FAM13C: variants seen among roughly 807,000 people sequenced by gnomAD.
FAM13C encodes family with sequence similarity 13 member C, also known as protein FAM13C.
In FAM13C, 37 loss-of-function variants were observed where a neutral mutation model predicts 73.2. The ratio of observed to expected loss-of-function variants is 0.51; its 90% CI spans 0.39 to 0.67. The LOEUF is 0.67. Among genes scored for constraint, FAM13C ranks in the 30% least tolerant of loss-of-function variants. FAM13C has a pLI of 0.00. For missense variants in FAM13C, 589 were observed against 715.6 expected (o/e 0.82, Z 2.02); for synonymous variants, 246 against 260.9 (o/e 0.94, Z 0.55).
At chr10:59,294,104 AGGTTGTTCATG>A (rs1426661025) in intron 5 of FAM13C, among the ~76,000 whole-genome samples, 1 of 152,180 alleles carries the variant, frequency 6.6e-6, no homozygotes, top group East Asian at 1.9e-4. Flanking sequence ...TCTAAGTGAA[AGGTTGTTCATG>A]GACTTTATAA....
rs187468997 is a variant in FAM13C, at chr10:59,286,804, C to T, written c.508-3357G>A. Among the ~76,000 whole-genome samples, 610 of 147,546 alleles carry T rather than the reference C, an allele frequency of 4.1e-3. 6 individuals carry two copies. The highest frequency in any genetic ancestry group is 0.014 in the African/African-American group (577 of 40,194). On this transcript the variant is annotated intron_variant, in intron 5 of 13. Transcript: ENST00000618804. ...ATCCCAGCACTTTGGGAGGTCAAGG[C>T]GGTGGATCACCTGAGGTCAGGAGTT...
intron 3 of FAM13C, among the ~76,000 whole-genome samples, chr10:59,328,270 T>C (rs992727834): frequency 2.6e-5 from 4 of 152,228 alleles, no homozygotes; most frequent in African/African-American, 7.2e-5. Flanking sequence ...AAAGGAAAGC[T>C]ATTAACTCAA....
intron 6 of FAM13C, among the ~76,000 whole-genome samples, chr10:59,280,449 A>T (rs1297890035): frequency 6.6e-6 from 1 of 152,234 alleles, no homozygotes; most frequent in Admixed American, 6.5e-5. Context: ...TACAAGTCCC[A>T]TGTGATCTGT....
intron 2 of FAM13C, 83 bp downstream of exon 2, chr10:59,355,804 G>A: frequency 1.6e-6 from 2 of 1,236,726 alleles, no homozygotes; most frequent in Non-Finnish European, 2.4e-6. Context: ...ATTCAAAGAA[G>A]AGACTAGAAT....
In FAM13C at chr10:59,268,534, C is replaced by T; in HGVS notation, c.942+19G>A. The stretch of plus-strand genomic sequence containing the variant: ...ACCTCTGACCAATCCGCTCCTATGT[C>T]AAACCCCAGGGTTCTTACCCGGTAT... On this transcript the variant is annotated intron_variant, in intron 8 of 13. Transcript: ENST00000618804. 1.2e-6 allele frequency: 2 copies of T among 1,613,066 alleles called. No individual in the cohort carries two copies. Among genetic ancestry groups the T allele is most frequent in the African/African-American group, 2.7e-5 (2 of 74,988 alleles).
chr10:59,302,922 T>C, intron 4 of FAM13C, 58 bp from the exon 5 acceptor site: 2 of 1,509,324 alleles, frequency 1.3e-6, no homozygotes, highest in East Asian at 2.3e-5. Flanking sequence ...GTGATGTACA[T>C]GTGAAGCTGG....
rs1169348470 is a variant in FAM13C, at chr10:59,283,446, T to G, written c.509A>C (p.Glu170Ala). The change falls in exon 6 of 14, where the codon GAA becomes GCA. Residue 170 changes from glutamate to alanine, a missense_variant and splice_region_variant. By Grantham distance (107) the Glu-to-Ala change is moderately radical. Transcript: ENST00000618804. ...GACTCCATGCACCTGAGCAGCTTCT[T>G]CCTGGTTTGTTAAAAATGCAGAGCA... ...AFETRQDLNE[E>A]EAAQVHGVKD... The G allele has an allele frequency of 6.2e-7, 1 of 1,614,050 alleles. No individual in the cohort carries two copies. The highest frequency in any genetic ancestry group is 1.3e-5 in the African/African-American group (1 of 74,928).
In FAM13C at chr10:59,302,782, C is replaced by T. The variant is rs186497873; in HGVS notation, c.507+19G>A. 2.4e-5 allele frequency: 38 copies of T among 1,609,898 alleles called. No homozygotes were observed. In the African/African-American group the frequency reaches 4.4e-4, roughly 19 times the overall value. ...ATTGGCTAATTCATGTTCTTATAAC[C>T]AGTAATGATTGCACGTACCTCATTT... is the stretch of plus-strand genomic sequence containing the variant. On this transcript the variant is annotated intron_variant, in intron 5 of 13. Transcript: ENST00000618804.
intron 3 of FAM13C, among the ~76,000 whole-genome samples, chr10:59,341,727 T>C (rs1853552012): frequency 6.6e-6 from 1 of 151,960 alleles, no homozygotes; most frequent in African/African-American, 2.4e-5. Context: ...AATCCCCTAA[T>C]TGTGGCCACA....
At chr10:59,257,273 T>C (rs1842038635) in intron 10 of FAM13C, among the ~76,000 whole-genome samples, 1 of 152,144 alleles carries the variant, frequency 6.6e-6, no homozygotes, top group Admixed American at 6.5e-5. Flanking sequence ...GTGATTTGAA[T>C]CATCAAGGTC....
intron 4 of FAM13C, among the ~76,000 whole-genome samples, chr10:59,317,329 G>A (rs1849663219): frequency 6.6e-6 from 1 of 152,026 alleles, no homozygotes; most frequent in African/African-American, 2.4e-5. Context: ...TCTAAATTAG[G>A]TTTAAATTTA....
chr10:59,284,927 CAT>C (rs923268616), intron 5 of FAM13C, among the ~76,000 whole-genome samples: 77 of 152,210 alleles, frequency 5.1e-4, no homozygotes, highest in African/African-American at 1.8e-3. Context: ...CCTCTCCTCA[CAT>C]AGACATCTAT....
intron 5 of FAM13C, among the ~76,000 whole-genome samples, chr10:59,289,618 CA>C (rs1845992150): frequency 6.6e-6 from 1 of 152,110 alleles, no homozygotes; most frequent in South Asian, 2.1e-4. Flanking sequence ...CACTAATAAG[CA>C]AGTAAACAAA....
chr10:59,293,770 G>A (rs518211), intron 5 of FAM13C, among the ~76,000 whole-genome samples: 150,640 of 152,320 alleles, frequency 0.99, 74,507 homozygotes, highest in Middle Eastern at 1. Flanking sequence ...AGTGAGGACA[G>A]CAAAGTCCAC....
In FAM13C at chr10:59,268,704, C is replaced by T. The variant is rs748399527; in HGVS notation, c.804-13G>A. The stretch of plus-strand genomic sequence containing the variant: ...AGAACTCCGCGGCCTGCAGTGATTA[C>T]AAGGAGGAAGGAGTATCAAAAACAG... On this transcript the variant is annotated splice_polypyrimidine_tract_variant and intron_variant, in intron 7 of 13. Coordinates refer to ENST00000618804, the MANE Select transcript of FAM13C (RefSeq NM_198215.4). 6.2e-7 allele frequency: 1 copy of T among 1,609,616 alleles called. No homozygotes were observed. The highest frequency in any genetic ancestry group is 1.7e-5 in the Admixed American group (1 of 59,610).
chr10:59,330,035 G>C (rs781449436), intron 3 of FAM13C, among the ~76,000 whole-genome samples: 21 of 152,154 alleles, frequency 1.4e-4, no homozygotes, highest in Non-Finnish European at 2.4e-4. Flanking sequence ...CGGATATTGA[G>C]TATTTCCATT....
At chr10:59,308,446 AT>A (rs1848504648) in intron 4 of FAM13C, among the ~76,000 whole-genome samples, 1 of 149,730 alleles carries the variant, frequency 6.7e-6, no homozygotes. Context: ...CATCATCACC[AT>A]CACCATCACC....
chr10:59,307,311 C>T (rs953682188), intron 4 of FAM13C, among the ~76,000 whole-genome samples: 1 of 151,948 alleles, frequency 6.6e-6, no homozygotes, highest in Non-Finnish European at 1.5e-5. Flanking sequence ...CTTTTTGCTT[C>T]GTTATGTGCT....
At chr10:59,278,739 T>C (rs927259021) in intron 6 of FAM13C, among the ~76,000 whole-genome samples, 11 of 151,712 alleles carry the variant, frequency 7.3e-5, no homozygotes, top group African/African-American at 2.4e-4. Context: ...CTTTCCATAA[T>C]AGTAGCCATT....
Sources: allele counts gnomAD v4.1 joint callset (sites outside exome capture counted in the v4.1 genomes callset), GRCh38; gene constraint gnomAD v4.1.1; transcripts MANE v1.5; gene names NCBI Gene and HGNC (gene_info 2026-07-23, HGNC 2026-07-21).